Variants in ATP7A observed in about 807,000 individuals in gnomAD.
The protein encoded by ATP7A is copper-transporting ATPase 1.
Under a neutral mutation model 83.5 loss-of-function variants are expected in ATP7A, and 7 were observed. That is an observed-to-expected ratio of 0.08 (90% CI 0.05 to 0.16). ATP7A has a LOEUF of 0.16. Ranked by LOEUF, ATP7A falls within the 10% of genes least tolerant of loss-of-function variation. The pLI is 1.00. For missense variants in ATP7A, 940 were observed against 1,120.8 expected (o/e 0.84, Z 2.30); for synonymous variants, 354 against 395.2 (o/e 0.90, Z 1.24).
At chrX:77,937,675 G>T (rs1384535967) in intron 1 of ATP7A, among the ~76,000 whole-genome samples, 2 of 111,734 alleles carry the variant, frequency 1.8e-5, no homozygotes, top group Admixed American at 1.9e-4. Context: ...CTAGGTGAAA[G>T]ACACCAGATA....
At position 78,033,684 on chromosome X, in the gene ATP7A, A is replaced by G. The variant is rs782764064; in HGVS notation, c.3374A>G (p.Asn1125Ser). Residue 1125 changes from asparagine to serine, a missense_variant, in exon 17 of 23, where the codon AAT becomes AGT. This residue lies in a region of ATP7A where 386 missense variants were observed against 502.2 expected (regional missense o/e 0.77). Coordinates refer to ENST00000341514, the MANE Select transcript of ATP7A (RefSeq NM_000052.7). The part of the protein sequence containing the change: ...PGCGISCKVT[N>S]IEGLLHKNNW... Reference sequence around the variant, plus strand: ...TGTGGTATTAGCTGTAAAGTCACCAATATTGAAGGCTTGCTACATAAGAAT... The same window carrying G: ...TGTGGTATTAGCTGTAAAGTCACCAGTATTGAAGGCTTGCTACATAAGAAT... 50 of 1,209,261 alleles carry G rather than the reference A, an allele frequency of 4.1e-5. No individual in the cohort carries two copies. Among genetic ancestry groups the G allele is most frequent in the Non-Finnish European group, 5.5e-5 (49 of 894,767 alleles).
chrX:78,018,439 G>A lies in ATP7A; in HGVS notation c.2627-1805G>A, dbSNP rs782234420. ...GAATCACTTGAACTCAAGAAGCAGA[G>A]GTTGCAGTGAGCCGAGATTGCACCA... On this transcript the variant is annotated intron_variant, in intron 12 of 22. Transcript: ENST00000341514. 9.9e-5 allele frequency among the ~76,000 whole-genome samples: 11 copies of A among 111,250 alleles called. No homozygotes were observed. In the South Asian group the frequency reaches 4.2e-3, roughly 43 times the overall value.
intron 19 of ATP7A, among the ~76,000 whole-genome samples, chrX:78,041,869 G>A (rs920005321): frequency 2.7e-5 from 3 of 110,340 alleles, no homozygotes; most frequent in African/African-American, 9.9e-5. Flanking sequence ...TGTAATCCCA[G>A]CACTTTGGGA....
chrX:77,951,048 A>T (rs1264243848), intron 1 of ATP7A, among the ~76,000 whole-genome samples: 10 of 111,734 alleles, frequency 8.9e-5, no homozygotes, highest in Non-Finnish European at 1.1e-4. Context: ...AAAAAAATTT[A>T]AAAAAGTCAA....
intron 1 of ATP7A, among the ~76,000 whole-genome samples, chrX:77,956,018 C>T (rs188192799): frequency 9.0e-6 from 1 of 110,987 alleles, no homozygotes; most frequent in East Asian, 2.8e-4. Context: ...TATATATACA[C>T]CACATTTTGT....
intron 1 of ATP7A, among the ~76,000 whole-genome samples, chrX:77,956,638 G>A (rs1183527576): frequency 9.0e-6 from 1 of 111,395 alleles, no homozygotes; most frequent in Middle Eastern, 4.2e-3. Context: ...GGCTTCACTG[G>A]AAGCTGAGCA....
chrX:77,941,403 T>A (rs2077350514), intron 1 of ATP7A, among the ~76,000 whole-genome samples: 1 of 110,784 alleles, frequency 9.0e-6, no homozygotes, highest in Non-Finnish European at 1.9e-5. Flanking sequence ...GTCCTTAAAA[T>A]TTTTTTTTCT....
At chrX:78,011,321 A>T (rs1184358131) in intron 8 of ATP7A, 69 bp downstream of exon 8, 1 of 1,086,176 alleles carries the variant, frequency 9.2e-7, no homozygotes, top group Non-Finnish European at 1.3e-6. Context: ...TTTGCATGTC[A>T]GTTTTTATAA....
At chrX:78,004,578 C>T (rs112085372) in intron 6 of ATP7A, among the ~76,000 whole-genome samples, 29,475 of 107,472 alleles carry the variant, frequency 0.27, 3,095 homozygotes, top group South Asian at 0.34. Flanking sequence ...TGAAACCCCG[C>T]CTCTACAAAA....
At chrX:78,011,304 A>T (rs1171818821) in intron 8 of ATP7A, 52 bp downstream of exon 8, 2 of 1,124,004 alleles carry the variant, frequency 1.8e-6, no homozygotes, top group Non-Finnish European at 2.4e-6. Flanking sequence ...CTTATTACAA[A>T]TTTTTTTTTG....
intron 1 of ATP7A, among the ~76,000 whole-genome samples, chrX:77,950,294 A>G (rs1265906359): frequency 8.9e-6 from 1 of 111,863 alleles, no homozygotes; most frequent in Non-Finnish European, 1.9e-5. Context: ...CACAACACAC[A>G]TGCTTTGGCT....
At chrX:77,935,539 T>C (rs2077315970) in intron 1 of ATP7A, among the ~76,000 whole-genome samples, 1 of 112,397 alleles carries the variant, frequency 8.9e-6, no homozygotes, top group South Asian at 3.6e-4. Flanking sequence ...TTTATAGAGA[T>C]TTAAAATATT....
chrX:77,957,179 G>A, intron 1 of ATP7A, among the ~76,000 whole-genome samples: 1 of 111,231 alleles, frequency 9.0e-6, no homozygotes, highest in Non-Finnish European at 1.9e-5. Flanking sequence ...TTGGGTATTT[G>A]TATGTCTTCT....
chrX:77,966,378 A>G (rs2077505712), intron 1 of ATP7A, among the ~76,000 whole-genome samples: 2 of 112,506 alleles, frequency 1.8e-5, no homozygotes, highest in South Asian at 7.2e-4. Context: ...ATGACACAAA[A>G]AACACAAAAG....
At chrX:77,918,932 G>C (rs1182443505) in intron 1 of ATP7A, among the ~76,000 whole-genome samples, 1 of 110,938 alleles carries the variant, frequency 9.0e-6, no homozygotes, top group African/African-American at 3.3e-5. Flanking sequence ...CCACTTGAAG[G>C]CTCCCCTTTA....
chrX:78,043,979 A>G (rs2078067052), intron 21 of ATP7A, among the ~76,000 whole-genome samples: 1 of 106,487 alleles, frequency 9.4e-6, no homozygotes, highest in Non-Finnish European at 1.9e-5. Context: ...ATTTTGAAAA[A>G]TTTCAAACTT....
At chrX:78,002,105 T>A (rs1557233209) in intron 5 of ATP7A, among the ~76,000 whole-genome samples, 1 of 109,471 alleles carries the variant, frequency 9.1e-6, no homozygotes, top group Non-Finnish European at 1.9e-5. Flanking sequence ...GATCCTACTC[T>A]GTCACACATG....
rs184729628 is a variant in ATP7A, at chrX:77,939,107, C to T, written c.-22+28272C>T. On this transcript the variant is annotated intron_variant, in intron 1 of 22. Transcript: ENST00000341514. ...GTCCAGGAGTTCGAGATCAGCCTGG[C>T]CAACATGGCAAAACCCTGTCTCTAC... Among the ~76,000 whole-genome samples, 281 of 111,244 alleles carry T rather than the reference C, an allele frequency of 2.5e-3. 2 individuals carry two copies. Among genetic ancestry groups the T allele is most frequent in the Non-Finnish European group, 2.9e-3 (153 of 53,082 alleles).
At position 77,969,106 on chromosome X, in the gene ATP7A, C is replaced by G. The variant is rs1557229196; in HGVS notation, c.-21-2515C>G. 7 of 1,211,656 alleles carry G rather than the reference C, an allele frequency of 5.8e-6. No individual in the cohort carries two copies. The East Asian group carries it at 1.5e-4, about 26-fold the overall frequency. On this transcript the variant is annotated intron_variant, in intron 1 of 22. Coordinates refer to ENST00000341514, the MANE Select transcript of ATP7A (RefSeq NM_000052.7). ...ATGGGCTGCAATCAGTACACGTTTC[C>G]CCTCCTTGATCTGGGGAACTATTTC... is the stretch of plus-strand genomic sequence containing the variant.
Sources: allele counts gnomAD v4.1 joint callset (sites outside exome capture counted in the v4.1 genomes callset), GRCh38; gene constraint gnomAD v4.1.1; regional missense constraint gnomAD v4.1.1; transcripts MANE v1.5; gene names NCBI Gene and HGNC (gene_info 2026-07-23, HGNC 2026-07-21).